BTBD9: variants seen among roughly 807,000 people sequenced by gnomAD.
BTBD9 encodes BTB/POZ domain-containing protein 9.
BTBD9 carries 49 observed loss-of-function variants against 64.3 expected under a neutral mutation model. That is an observed-to-expected ratio of 0.76 (90% CI 0.61 to 0.97). The LOEUF is 0.97. Among genes scored for constraint, BTBD9 ranks in the 50% least tolerant of loss-of-function variants. The pLI, the probability that BTBD9 is intolerant of heterozygous loss-of-function variation, is 0.00. For synonymous variants in BTBD9, 260 were observed against 274.7 expected (o/e 0.95, Z 0.53); for missense variants, 598 against 762.1 (o/e 0.78, Z 2.53).
chr6:38,213,757 G>A (rs972268565), intron 9 of BTBD9, among the ~76,000 whole-genome samples: 14 of 152,014 alleles, frequency 9.2e-5, no homozygotes, highest in East Asian at 1.9e-4. Flanking sequence ...TGAGGCGGGC[G>A]GATCATGAGG....
At chr6:38,438,713 T>C (rs1357976614) in intron 6 of BTBD9, among the ~76,000 whole-genome samples, 1 of 152,060 alleles carries the variant, frequency 6.6e-6, no homozygotes, top group Non-Finnish European at 1.5e-5. Context: ...TTCTAGGTGC[T>C]AGAGAGCTTC....
At chr6:38,334,681 A>G (rs1180844794) in intron 7 of BTBD9, among the ~76,000 whole-genome samples, 1 of 151,992 alleles carries the variant, frequency 6.6e-6, no homozygotes, top group Non-Finnish European at 1.5e-5. Flanking sequence ...AAACAAAACA[A>G]AAACAAGCTG....
intron 8 of BTBD9, among the ~76,000 whole-genome samples, chr6:38,257,723 A>G (rs1028747873): frequency 6.6e-6 from 1 of 152,148 alleles, no homozygotes; most frequent in Non-Finnish European, 1.5e-5. Flanking sequence ...TAAGAACTTA[A>G]GCATTAACTG....
chr6:38,174,764 C>T lies in BTBD9; in HGVS notation c.*221G>A. 1.8e-6 allele frequency: 1 copy of T among 562,028 alleles called. No homozygotes were observed. 34.8% of individuals were successfully genotyped at this position (562,028 alleles called of 1,614,324 possible). A position where few individuals can be genotyped will look rare whatever the true frequency, so the allele number is the denominator to read the frequency against. ...GATGAAGATTGAAGACCCATTTTCT[C>T]CCCCTTGAGACCTGCCTGATTTGGA... On this transcript the variant is annotated 3_prime_UTR_variant, in exon 11 of 11. Transcript: ENST00000481247.
intron 1 of BTBD9, among the ~76,000 whole-genome samples, chr6:38,598,763 C>T (rs1777148633): frequency 6.6e-6 from 1 of 151,886 alleles, no homozygotes; most frequent in African/African-American, 2.4e-5. Flanking sequence ...ACTAAAAATA[C>T]AAAATTAGCT....
chr6:38,339,871 C>T (rs1308309943), intron 7 of BTBD9, among the ~76,000 whole-genome samples: 3 of 152,148 alleles, frequency 2.0e-5, no homozygotes, highest in South Asian at 4.1e-4. Flanking sequence ...CACAGAGAAT[C>T]GTTGCAAGTG....
At position 38,172,488 on chromosome 6, in the gene BTBD9, CCA is replaced by C. The variant is rs1766833330; in HGVS notation, c.*2495_*2496del. On this transcript the variant is annotated 3_prime_UTR_variant, in exon 11 of 11. Coordinates refer to ENST00000481247, the MANE Select transcript of BTBD9 (RefSeq NM_001099272.2). ...TGGACACACGAAAAGAGTTCCTGCC[CCA>C]GTCAGAAGGCCCCTCAGGGAAGGGC... is the stretch of plus-strand genomic sequence containing the variant. The C allele has an allele frequency of 1.3e-5, 2 of 152,492 alleles. No homozygotes were observed. The highest frequency in any genetic ancestry group is 2.1e-4 in the South Asian group (1 of 4,834). 9.4% of individuals were successfully genotyped at this position (152,492 alleles called of 1,614,324 possible). A position where few individuals can be genotyped will look rare whatever the true frequency, so the allele number is the denominator to read the frequency against.
intron 6 of BTBD9, among the ~76,000 whole-genome samples, chr6:38,350,225 C>T (rs537720916): frequency 6.6e-6 from 1 of 152,312 alleles, no homozygotes; most frequent in African/African-American, 2.4e-5. Context: ...GGAGATTTCA[C>T]AGCATTCTCT....
At chr6:38,259,288 G>T (rs1261184545) in intron 8 of BTBD9, among the ~76,000 whole-genome samples, 1 of 152,114 alleles carries the variant, frequency 6.6e-6, no homozygotes, top group East Asian at 1.9e-4. Flanking sequence ...TTAATCTTAT[G>T]ATTATAATCA....
chr6:38,334,733 A>G (rs1763827748), intron 7 of BTBD9, among the ~76,000 whole-genome samples: 1 of 152,198 alleles, frequency 6.6e-6, no homozygotes, highest in South Asian at 2.1e-4. Context: ...CCATACTACT[A>G]TATGTATCCA....
chr6:38,610,082 A>G (rs1269515369), intron 1 of BTBD9, among the ~76,000 whole-genome samples: 1 of 152,242 alleles, frequency 6.6e-6, no homozygotes, highest in East Asian at 1.9e-4. Context: ...TGTGGTTAAT[A>G]AATTTTTTAA....
At chr6:38,546,225 A>G (rs535631568) in intron 6 of BTBD9, among the ~76,000 whole-genome samples, 2 of 152,292 alleles carry the variant, frequency 1.3e-5, no homozygotes, top group South Asian at 4.1e-4. Context: ...ATATTGACAA[A>G]GGGCTGGAGA....
At chr6:38,192,343 T>C (rs138102539) in intron 10 of BTBD9, among the ~76,000 whole-genome samples, 176 bp downstream of exon 10, 2 of 152,260 alleles carry the variant, frequency 1.3e-5, no homozygotes, top group East Asian at 3.9e-4. Context: ...AATGAAGAGA[T>C]ATCCAAAAAT....
intron 9 of BTBD9, among the ~76,000 whole-genome samples, chr6:38,230,149 T>TA (rs1763546386): frequency 6.6e-6 from 1 of 152,170 alleles, no homozygotes; most frequent in Non-Finnish European, 1.5e-5. Context: ...GTTCCATATT[T>TA]AGCCCCCTTC....
intron 6 of BTBD9, among the ~76,000 whole-genome samples, chr6:38,447,293 C>G (rs150101626): frequency 6.6e-6 from 1 of 152,158 alleles, no homozygotes; most frequent in African/African-American, 2.4e-5. Context: ...TATAGCAATT[C>G]GTTACAATTC....
At chr6:38,598,471 T>C (rs539034521) in intron 1 of BTBD9, among the ~76,000 whole-genome samples, 7 of 152,328 alleles carry the variant, frequency 4.6e-5, no homozygotes, top group South Asian at 2.1e-4. Flanking sequence ...CTCTTTTACA[T>C]AGATATATTG....
At chr6:38,462,900 A>G in intron 6 of BTBD9, among the ~76,000 whole-genome samples, 1 of 151,996 alleles carries the variant, frequency 6.6e-6, no homozygotes, top group Non-Finnish European at 1.5e-5. Context: ...CTGGACTCAC[A>G]CTATCCTCCC....
chr6:38,377,082 C>T lies in BTBD9; in HGVS notation c.1155-31989G>A, dbSNP rs563716299. ...ATTTCATCAGGTTCACTTACCTGAA[C>T]CTACTGTATTTCATTTATAACCATC... On this transcript the variant is annotated intron_variant, in intron 6 of 10. Transcript: ENST00000481247. Among the ~76,000 whole-genome samples the T allele has an allele frequency of 2.0e-5, 3 of 152,268 alleles. No individual in the cohort carries two copies. The South Asian group carries it at 6.2e-4, about 32-fold the overall frequency.
intron 6 of BTBD9, among the ~76,000 whole-genome samples, chr6:38,512,588 G>A (rs994529329): frequency 6.6e-6 from 1 of 152,148 alleles, no homozygotes; most frequent in African/African-American, 2.4e-5. Flanking sequence ...CCACAATAAG[G>A]AGGACTGTGT....
Sources: gnomAD v4.1 joint callset for allele counts (sites outside exome capture counted in the v4.1 genomes callset) on GRCh38, gnomAD v4.1.1 for gene constraint, MANE v1.5 for transcripts, NCBI Gene and HGNC (gene_info 2026-07-23, HGNC 2026-07-21) for gene names.